The following NBEAL1 variants were observed in gnomAD, a reference collection of about 807,000 sequenced individuals.
NBEAL1 encodes the protein neurobeachin like 1.
NBEAL1 carries 273 observed loss-of-function variants against 351.3 expected under a neutral mutation model. The ratio of observed to expected loss-of-function variants is 0.78; its 90% confidence interval spans 0.70 to 0.86. The LOEUF is 0.86. Ranked by LOEUF, NBEAL1 falls within the 40% of genes least tolerant of loss-of-function variation. NBEAL1 has a pLI of 0.00. For synonymous variants in NBEAL1, 1,050 were observed against 1,086.4 expected, an observed-to-expected ratio of 0.97 and a Z score of 0.66; for missense variants, 2,961 against 3,201.3, an observed-to-expected ratio of 0.92 and a Z score of 1.81.
rs769221087 is a variant in NBEAL1 at position 203,062,347 on chromosome 2, C to T, written c.515+4894C>T. On this transcript the variant is annotated intron_variant, in intron 6 of 55. Transcript: ENST00000683969. The surrounding 1 kb of genome is among the most constrained non-coding windows in gnomAD (Gnocchi z 4.2). ...GTTTCTTCTGGGAAAAATCCAGCAACGCCCACTCCTGAGGGGTGAAGGTTA... is the reference window on the plus strand; with the variant it reads ...GTTTCTTCTGGGAAAAATCCAGCAATGCCCACTCCTGAGGGGTGAAGGTTA... 37 of 490,680 alleles carry T rather than the reference C, an allele frequency of 7.5e-5. No individual in the cohort carries two copies. The highest frequency in any genetic ancestry group is 1.5e-4 in the Admixed American group (7 of 46,098). 30.4% of individuals were successfully genotyped at this position (490,680 alleles called of 1,614,324 possible).
At chr2:203,067,992 T>C (rs931734803) in intron 6 of NBEAL1, among the ~76,000 whole-genome samples, 3 of 152,220 alleles carry the variant, frequency 2.0e-5, no homozygotes, top group African/African-American at 7.2e-5. Context: ...TTATCCATTA[T>C]TATAAAGTTT....
chr2:203,031,624 G>A (rs772417976), intron 2 of NBEAL1, among the ~76,000 whole-genome samples: 26 of 152,142 alleles, frequency 1.7e-4, no homozygotes, highest in South Asian at 4.1e-4. Context: ...CAAATGTTAA[G>A]AATCTTAGAA....
At chr2:203,199,126 A>T (rs890334009) in intron 48 of NBEAL1, among the ~76,000 whole-genome samples, 9 of 152,196 alleles carry the variant, frequency 5.9e-5, no homozygotes, top group African/African-American at 2.2e-4. Context: ...TGGGCAACAG[A>T]GTGAAACCCT....
chr2:203,083,209 A>G lies in NBEAL1; in HGVS notation c.685-10A>G. The G allele has an allele frequency of 1.9e-6, 3 of 1,545,348 alleles. No individual in the cohort carries two copies. The highest frequency in any genetic ancestry group is 2.6e-6 in the Non-Finnish European group (3 of 1,143,694). ...TTTAGGTTTCATTTTTATTGTCTCT[A>G]ATGTTTCAGAGGAATGCTTTGCAAG... On this transcript the variant is annotated splice_polypyrimidine_tract_variant and intron_variant, in intron 8 of 55. Transcript: ENST00000683969.
intron 27 of NBEAL1, among the ~76,000 whole-genome samples, chr2:203,134,039 T>G (rs923773994): frequency 6.6e-6 from 1 of 152,102 alleles, no homozygotes; most frequent in African/African-American, 2.4e-5. Context: ...TAGGACATAC[T>G]CCATGAAATA....
chr2:203,178,086 A>T (rs536368818), intron 42 of NBEAL1, among the ~76,000 whole-genome samples: 2 of 151,918 alleles, frequency 1.3e-5, no homozygotes, highest in East Asian at 3.9e-4. Context: ...TTCTAGATAC[A>T]TACCTAAGAT....
At chr2:203,029,236 C>G (rs1376057524) in intron 2 of NBEAL1, among the ~76,000 whole-genome samples, 1 of 152,124 alleles carries the variant, frequency 6.6e-6, no homozygotes, top group Admixed American at 6.5e-5. Context: ...GTGCTCTGCC[C>G]GCCTCAGCTT....
intron 44 of NBEAL1, among the ~76,000 whole-genome samples, chr2:203,183,621 A>G (rs916211785): frequency 6.6e-6 from 1 of 152,196 alleles, no homozygotes; most frequent in Non-Finnish European, 1.5e-5. Context: ...AAAATATTAA[A>G]CATTTCAGCT....
chr2:203,196,433 C>T (rs527809395), intron 47 of NBEAL1, among the ~76,000 whole-genome samples: 46 of 152,288 alleles, frequency 3.0e-4, no homozygotes, highest in South Asian at 1.2e-3. Context: ...TAGGTCATCT[C>T]TTCATAGGTG....
intron 46 of NBEAL1, chr2:203,191,135 G>C (rs577877272): frequency 6.3e-7 from 1 of 1,591,248 alleles, no homozygotes; most frequent in East Asian, 2.2e-5. Flanking sequence ...ATGCGGCACC[G>C]ATCCTTAGCC....
At chr2:203,125,565 GAATT>G (rs1185419006) in intron 20 of NBEAL1, 45 bp downstream of exon 20, 9 of 1,321,254 alleles carry the variant, frequency 6.8e-6, no homozygotes, top group Non-Finnish European at 6.8e-6. Context: ...AGAAATTTGA[GAATT>G]AATTGAGAAA....
In NBEAL1 at chr2:203,067,010, C is replaced by T. The variant is rs190815314; in HGVS notation, c.516-1383C>T. ...GGCACTCCTCACCTCCCAGACGGGGCGGCCGGGCAGAGACGCCCCTCACCT... is the reference window on the plus strand; with the variant it reads ...GGCACTCCTCACCTCCCAGACGGGGTGGCCGGGCAGAGACGCCCCTCACCT... On this transcript the variant is annotated intron_variant, in intron 6 of 55. Transcript: ENST00000683969. Among the ~76,000 whole-genome samples, 934 of 147,806 alleles carry T rather than the reference C, an allele frequency of 6.3e-3. 5 individuals carry two copies. Among genetic ancestry groups the T allele is most frequent in the African/African-American group, 0.023 (898 of 39,828 alleles).
At chr2:203,198,077 A>G (rs1362372230) in intron 48 of NBEAL1, among the ~76,000 whole-genome samples, 2 of 146,470 alleles carry the variant, frequency 1.4e-5, no homozygotes. Flanking sequence ...TGGAGAGCCA[A>G]TCACAGCTCA....
Position 203,126,826 on chromosome 2 carries a change from C to G in NBEAL1, c.3148C>G (p.His1050Asp), listed in dbSNP as rs1214592656. 1 of 1,550,522 alleles carries G rather than the reference C, an allele frequency of 6.4e-7. No individual in the cohort carries two copies. The highest frequency in any genetic ancestry group is 8.7e-7 in the Non-Finnish European group (1 of 1,146,454). Residue 1050 changes from histidine (H) to aspartate (D), a missense_variant and splice_region_variant, in exon 23 of 56, where the codon CAC becomes GAC. Transcript: ENST00000683969. ...TACCATTGAACTTTTTATTTTAGGT[C>G]ACATACAGTATCTTTCAACCATCAT... ...NRGDFPFRIG[H>D]IQYLSTIIKD...
intron 42 of NBEAL1, among the ~76,000 whole-genome samples, chr2:203,176,474 C>A (rs2064505513): frequency 2.6e-5 from 4 of 152,000 alleles, no homozygotes; most frequent in Admixed American, 2.0e-4. Context: ...CCTCTAATCC[C>A]AGCACTTTGG....
rs929461830 is a variant in NBEAL1, at chr2:203,108,205, T to C, written c.1949+17T>C. On this transcript the variant is annotated intron_variant, in intron 14 of 55. Coordinates refer to ENST00000683969, the MANE Select transcript of NBEAL1 (RefSeq NM_001378026.1). ...ATTGTACAGGTATTGGTAAAAATTA[T>C]GGAATATAAATGAATACTGTCATAA... 44 of 1,509,382 alleles carry C rather than the reference T, an allele frequency of 2.9e-5. No homozygotes were observed. The highest frequency in any genetic ancestry group is 3.9e-5 in the Non-Finnish European group (43 of 1,116,854). The allele number at this position is 1,509,382 out of a possible 1,614,324, so 93.5% of individuals were successfully genotyped here.
intron 55 of NBEAL1, among the ~76,000 whole-genome samples, chr2:203,215,383 G>C (rs1185112937): frequency 2.0e-5 from 3 of 152,158 alleles, no homozygotes; most frequent in Non-Finnish European, 4.4e-5. Context: ...CGTGCCTGTA[G>C]TCCCAGCTAC....
Position 203,083,359 on chromosome 2 carries a change from G to C in NBEAL1, c.825G>C (p.Val275=), listed in dbSNP as rs896637074. The C allele has an allele frequency of 6.4e-7, 1 of 1,554,930 alleles. No individual in the cohort carries two copies. Among genetic ancestry groups the C allele is most frequent in the Non-Finnish European group, 8.7e-7 (1 of 1,147,864 alleles). Residue 275 remains valine, a synonymous_variant, in exon 9 of 56, where the codon GTG becomes GTC. Coordinates refer to ENST00000683969, the MANE Select transcript of NBEAL1 (RefSeq NM_001378026.1). ...AELTLKCLTE[V]VHILLSSNSD... is the part of the protein sequence containing the mutation. Reference sequence around the variant, plus strand: ...TAACTCTGAAGTGCCTTACAGAAGTGGTACATATCCTTCTCAGTAGCAACT... The same window carrying C: ...TAACTCTGAAGTGCCTTACAGAAGTCGTACATATCCTTCTCAGTAGCAACT...
chr2:203,211,471 C>G (rs992150740), intron 54 of NBEAL1, among the ~76,000 whole-genome samples: 5 of 151,914 alleles, frequency 3.3e-5, no homozygotes, highest in African/African-American at 1.2e-4. Context: ...AAGACCTCAT[C>G]TCTACTAAAA....
Sources: allele counts gnomAD v4.1 joint callset (sites outside exome capture counted in the v4.1 genomes callset), GRCh38; gene constraint gnomAD v4.1.1; non-coding constraint Gnocchi (gnomAD v3.1); transcripts MANE v1.5; gene names NCBI Gene and HGNC (gene_info 2026-07-23, HGNC 2026-07-21).